The following PIEZO1 variants were observed in gnomAD, a reference collection of about 807,000 sequenced individuals.
PIEZO1 encodes piezo-type mechanosensitive ion channel component 1.
A neutral mutation model predicts 297.2 loss-of-function variants in PIEZO1; 296 were observed. The observed-to-expected ratio is 1.00, with a 90% CI of 0.91 to 1.10. PIEZO1 has a LOEUF of 1.10. Ranked by LOEUF, PIEZO1 falls within the 50% of genes least tolerant of loss-of-function variation. PIEZO1 has a pLI of 0.00. For synonymous variants in PIEZO1, 2,427 were observed against 1,507.5 expected, an observed-to-expected ratio of 1.61 and a Z score of -14.13; for missense variants, 5,018 against 3,455.5, an observed-to-expected ratio of 1.45 and a Z score of -11.34.
chr16:88,727,337 TC>T, intron 23 of PIEZO1, 145 bp from the exon 24 acceptor site: 1 of 970,918 alleles, frequency 1.0e-6, no homozygotes. Context: ...TGGCCGGGTG[TC>T]CCTGGGGGAG....
In PIEZO1 at chr16:88,720,702, G is replaced by A. The variant is rs1227062223; in HGVS notation, c.5715C>T (p.Ala1905=). Residue 1905 remains alanine (A), a synonymous_variant, in exon 40 of 51, where the codon GCC becomes GCT. Transcript: ENST00000301015. ...EEEEGEEEKE[A]PTGREKRPSR... Reference sequence around the variant, plus strand: ...TTGGCCTCTTCTCTCTCCCCGTGGGGGCCTCTTTCTCTTCCTCCCCCTCTT... The same window carrying A: ...TTGGCCTCTTCTCTCTCCCCGTGGGAGCCTCTTTCTCTTCCTCCCCCTCTT... 1 of 1,535,968 alleles carries A rather than the reference G, an allele frequency of 6.5e-7. No individual in the cohort carries two copies. Among genetic ancestry groups the A allele is most frequent in the Non-Finnish European group, 8.8e-7 (1 of 1,141,026 alleles).
intron 1 of PIEZO1, among the ~76,000 whole-genome samples, chr16:88,768,224 G>T (rs1257042204): frequency 6.6e-6 from 1 of 152,216 alleles, no homozygotes; most frequent in South Asian, 2.1e-4. Flanking sequence ...CACACTGCCT[G>T]GGCCTCGCAG....
intron 3 of PIEZO1, 66 bp downstream of exon 3, chr16:88,742,234 T>C: frequency 1.3e-6 from 2 of 1,503,268 alleles, no homozygotes; most frequent in Non-Finnish European, 1.8e-6. Flanking sequence ...AGACTCGGGG[T>C]CACTGCAGGG....
At chr16:88,763,595 G>A (rs1340479703) in intron 1 of PIEZO1, among the ~76,000 whole-genome samples, 5 of 152,216 alleles carry the variant, frequency 3.3e-5, no homozygotes, top group South Asian at 2.1e-4. Flanking sequence ...AGGGTCTGGC[G>A]TGATACAAAT....
At position 88,734,780 on chromosome 16, in the gene PIEZO1, G is replaced by C; in HGVS notation, c.1867C>G (p.Arg623Gly). 2 of 1,550,316 alleles carry C rather than the reference G, an allele frequency of 1.3e-6. No individual in the cohort carries two copies. The highest frequency in any genetic ancestry group is 1.7e-6 in the Non-Finnish European group (2 of 1,146,930). ...TLFQVYYSLW[R>G]KLLKAFWWLV... is the part of the protein sequence containing the mutation. Reference sequence around the variant, plus strand: ...CACCAGAAGGCCTTGAGCAGCTTCCGCCACAGGCTGTAGTAGACCTGCCGG... The same window carrying C: ...CACCAGAAGGCCTTGAGCAGCTTCCCCCACAGGCTGTAGTAGACCTGCCGG... The change falls in exon 15 of 51, where the codon CGG (arginine) becomes GGG (glycine). Residue 623 changes from arginine to glycine, a missense_variant. Physicochemically the swap from Arg to Gly is moderately radical, Grantham distance 125. Transcript: ENST00000301015.
In PIEZO1 at chr16:88,741,679, TG is replaced by T. The variant is rs200575401; in HGVS notation, c.327-64del. On this transcript the variant is annotated intron_variant, in intron 4 of 50. Coordinates refer to ENST00000301015, the MANE Select transcript of PIEZO1 (RefSeq NM_001142864.4). ...GGACAGGTGTGGGTGTGAGTGTGGA[TG>T]GGTCTCCAGGTGCGGGTGGGAGTGT... 9.0e-4 allele frequency: 1,321 copies of T among 1,461,202 alleles called. 11 individuals are homozygous for T. The highest frequency in any genetic ancestry group is 1.9e-3 in the Admixed American group (88 of 45,498). The allele number at this position is 1,461,202 out of a possible 1,614,324, so 90.5% of individuals were successfully genotyped here. A position where few individuals can be genotyped will look rare whatever the true frequency, so the allele number is the denominator to read the frequency against.
At chr16:88,732,769 C>A in intron 19 of PIEZO1, 37 bp from the exon 20 acceptor site, 2 of 1,509,092 alleles carry the variant, frequency 1.3e-6, no homozygotes, top group Non-Finnish European at 8.9e-7. Flanking sequence ...CCCTCCCAGG[C>A]CACAGTGCCC....
rs776599335 is a variant in PIEZO1, at chr16:88,723,338, A to T, written c.4336-10T>A. 2.0e-6 allele frequency: 3 copies of T among 1,536,900 alleles called. No individual in the cohort carries two copies. The highest frequency in any genetic ancestry group is 2.4e-5 in the South Asian group (2 of 84,018). On this transcript the variant is annotated splice_polypyrimidine_tract_variant and intron_variant, in intron 31 of 50. Transcript: ENST00000301015. ...ATGCCTGGTACGCCAGCTGTCGGCCAGCCCCCGGGTTAGGACCCGGCCTCC... is the reference window on the plus strand; with the variant it reads ...ATGCCTGGTACGCCAGCTGTCGGCCTGCCCCCGGGTTAGGACCCGGCCTCC...
chr16:88,736,055 G>A, intron 12 of PIEZO1, 93 bp downstream of exon 12: 2 of 1,286,332 alleles, frequency 1.6e-6, no homozygotes, highest in South Asian at 1.5e-5. Flanking sequence ...TCTTGGCGCT[G>A]CCACTCCCCC....
intron 1 of PIEZO1, among the ~76,000 whole-genome samples, chr16:88,776,421 G>C (rs560855665): frequency 1.3e-5 from 2 of 151,420 alleles, no homozygotes; most frequent in African/African-American, 4.9e-5. Context: ...GCGACAGAGC[G>C]AGACTCTGTC....
At chr16:88,732,976 G>A (rs1597456184) in intron 19 of PIEZO1, 6 of 583,984 alleles carry the variant, frequency 1.0e-5, no homozygotes, top group African/African-American at 5.6e-5. Flanking sequence ...GTGCGAGAAG[G>A]TCCCAGGCAG....
At chr16:88,784,373 G>T (rs184498611) in intron 1 of PIEZO1, among the ~76,000 whole-genome samples, 1 of 152,248 alleles carries the variant, frequency 6.6e-6, no homozygotes, top group African/African-American at 2.4e-5. Flanking sequence ...AGCGGTGAGC[G>T]GGGCTGGGCC....
At position 88,725,656 on chromosome 16, in the gene PIEZO1, G is replaced by C. The variant is rs1439187386; in HGVS notation, c.3997C>G (p.Leu1333Val). The change falls in exon 28 of 51, where the codon CTC (leucine) becomes GTC (valine). Residue 1333 changes from leucine (L) to valine (V), a missense_variant. Leu to Val is a conservative substitution (Grantham distance 32). Transcript: ENST00000301015. Reference sequence around the variant, plus strand: ...CTGCGGTGAAAGTCAATGCTCTTGAGGTTGGCAGCGTTGTAGAGGGCGAAG... The same window carrying C: ...CTGCGGTGAAAGTCAATGCTCTTGACGTTGGCAGCGTTGTAGAGGGCGAAG... ...RGFALYNAANLKSIDFHRRIE... is the reference protein window; with the variant it reads ...RGFALYNAANVKSIDFHRRIE... 1.3e-6 allele frequency: 2 copies of C among 1,548,642 alleles called. No homozygotes were observed. Among genetic ancestry groups the C allele is most frequent in the Non-Finnish European group, 1.7e-6 (2 of 1,145,358 alleles).
At chr16:88,760,594 G>A (rs550902535) in intron 1 of PIEZO1, among the ~76,000 whole-genome samples, 2 of 152,338 alleles carry the variant, frequency 1.3e-5, no homozygotes, top group Non-Finnish European at 2.9e-5. Flanking sequence ...CTTTAAGGCA[G>A]CAGGACCCAG....
In PIEZO1 at chr16:88,741,314, G is replaced by A; in HGVS notation, c.465+164C>T. On this transcript the variant is annotated intron_variant, in intron 5 of 50. Coordinates refer to ENST00000301015, the MANE Select transcript of PIEZO1 (RefSeq NM_001142864.4). ...CAGGTCTGAACGGATGGAACTGCAG[G>A]CTGGGCCCCGGGGTGGGATTTGGAA... 6 of 637,776 alleles carry A rather than the reference G, an allele frequency of 9.4e-6. No homozygotes were observed. The South Asian group carries it at 1.2e-4, about 13-fold the overall frequency. The allele number at this position is 637,776 out of a possible 1,614,324, so 39.5% of individuals were successfully genotyped here. A position where few individuals can be genotyped will look rare whatever the true frequency, so the allele number is the denominator to read the frequency against.
intron 1 of PIEZO1, among the ~76,000 whole-genome samples, chr16:88,781,380 G>A (rs957273625): frequency 1.3e-5 from 2 of 152,206 alleles, no homozygotes. Context: ...ACGAGCACCC[G>A]CTGTGACCCA....
intron 1 of PIEZO1, among the ~76,000 whole-genome samples, chr16:88,774,693 G>A (rs1907579393): frequency 6.6e-6 from 1 of 152,204 alleles, no homozygotes; most frequent in African/African-American, 2.4e-5. Flanking sequence ...GGGGCCCAAG[G>A]GCAAAGAGAC....
At chr16:88,762,795 G>A (rs1283801950) in intron 1 of PIEZO1, among the ~76,000 whole-genome samples, 3 of 152,292 alleles carry the variant, frequency 2.0e-5, no homozygotes, top group Non-Finnish European at 2.9e-5. Flanking sequence ...AGCTTCAGCC[G>A]CCCTGCACAC....
chr16:88,741,367 C>T, intron 5 of PIEZO1, 111 bp downstream of exon 5: 1 of 1,071,702 alleles, frequency 9.3e-7, no homozygotes, highest in African/African-American at 1.6e-5. Context: ...CACCAACTTA[C>T]AACCAAAACG....
Sources: gnomAD v4.1 joint callset for allele counts (sites outside exome capture counted in the v4.1 genomes callset) on GRCh38, gnomAD v4.1.1 for gene constraint, MANE v1.5 for transcripts, NCBI Gene and HGNC (gene_info 2026-07-23, HGNC 2026-07-21) for gene names.